Variants in OTOL1 observed in about 807,000 individuals in gnomAD.
OTOL1 encodes the protein otolin 1.
In OTOL1, 31 loss-of-function variants were observed where a neutral mutation model predicts 25.0. The observed-to-expected ratio is 1.24, with a 90% CI of 0.93 to 1.67. The LOEUF is 1.67. Among genes scored for constraint, OTOL1 ranks in the 40% most tolerant of loss-of-function variants. The pLI, the probability that OTOL1 is intolerant of heterozygous loss-of-function variation, is 0.00. For missense variants in OTOL1, 654 were observed against 587.7 expected (o/e 1.11, Z -1.17); for synonymous variants, 225 against 210.3 (o/e 1.07, Z -0.61).
At position 161,503,204 on chromosome 3, in the gene OTOL1, G is replaced by A. The variant is rs1349567490; in HGVS notation, c.696G>A (p.Met232Ile). 3 of 1,452,474 alleles carry A rather than the reference G, an allele frequency of 2.1e-6. No individual in the cohort carries two copies. The highest frequency in any genetic ancestry group is 2.7e-6 in the Non-Finnish European group (3 of 1,102,532). 90.0% of individuals were successfully genotyped at this position (1,452,474 alleles called of 1,614,324 possible). ...GPGAKGEKGE[M>I]GEKGEMGDKG... ...GCGCCAAGGGAGAGAAGGGGGAGAT[G>A]GGGGAGAAGGGGGAGATGGGGGATA... is the stretch of plus-strand genomic sequence containing the variant. Residue 232 changes from methionine to isoleucine, a missense_variant, in exon 4 of 4, where the codon ATG becomes ATA. Physicochemically the swap from Met to Ile is conservative, Grantham distance 10 (BLOSUM62 1). Transcript: ENST00000327928.
chr3:161,499,750 T>A (rs1190712448), intron 2 of OTOL1, among the ~76,000 whole-genome samples: 1 of 152,150 alleles, frequency 6.6e-6, no homozygotes. Context: ...TCAGAGGCAG[T>A]GTCAGTGGTG....
chr3:161,502,871 T>A (rs565969821), intron 3 of OTOL1, among the ~76,000 whole-genome samples, 155 bp from the exon 4 acceptor site: 1 of 152,280 alleles, frequency 6.6e-6, no homozygotes, highest in South Asian at 2.1e-4. Flanking sequence ...AAATTATTCA[T>A]TGTCAGAGCC....
At chr3:161,502,704 C>CAAA (rs1719005835) in intron 3 of OTOL1, among the ~76,000 whole-genome samples, 1 of 152,100 alleles carries the variant, frequency 6.6e-6, no homozygotes, top group Admixed American at 6.5e-5. Context: ...GGCCAAAATG[C>CAAA]AAAGGGTAAT....
Position 161,502,304 on chromosome 3 carries a change from T to C in OTOL1, c.455-3T>C. On this transcript the variant is annotated splice_region_variant and splice_polypyrimidine_tract_variant and intron_variant, in intron 2 of 3. Transcript: ENST00000327928. ...TAAAAAGTTAATCTTGGTATCATCT[T>C]AGGACTCAAAGGAGAACGTGGGGAC... The C allele has an allele frequency of 6.2e-7, 1 of 1,612,212 alleles. No homozygotes were observed.
At chr3:161,501,122 C>T (rs1718964890) in intron 2 of OTOL1, among the ~76,000 whole-genome samples, 1 of 152,132 alleles carries the variant, frequency 6.6e-6, no homozygotes. Flanking sequence ...AATATCTTCC[C>T]TACTTTTCTT....
At chr3:161,501,117 C>A (rs77382557) in intron 2 of OTOL1, among the ~76,000 whole-genome samples, 4,194 of 152,176 alleles carry the variant, frequency 0.028, 93 homozygotes, top group South Asian at 0.046. Flanking sequence ...ACAAAAATAT[C>A]TTCCCTACTT....
rs1365799744 is a variant in OTOL1, at chr3:161,501,423, C to A, written c.455-884C>A. Among the ~76,000 whole-genome samples the A allele has an allele frequency of 5.3e-5, 8 of 151,814 alleles. No individual in the cohort carries two copies. The South Asian group carries it at 1.5e-3, about 28-fold the overall frequency. ...AACTATAATAGTATGGGCTGTTAGGCCCAATATAAAAATATATTTTATGGT... is the reference window on the plus strand; with the variant it reads ...AACTATAATAGTATGGGCTGTTAGGACCAATATAAAAATATATTTTATGGT... On this transcript the variant is annotated intron_variant, in intron 2 of 3. Transcript: ENST00000327928.
chr3:161,497,064 C>T lies in OTOL1; in HGVS notation c.257C>T (p.Pro86Leu), dbSNP rs769393277. The part of the protein sequence containing the change: ...DSVFGTATLS[P>L]FENFTLDPAD... ...GTCTTTGGCACTGCCACTCTCTCTC[C>T]CTTTGAAAACTTCACTCTTGACCCA... Residue 86 changes from proline (P) to leucine (L), a missense_variant, in exon 1 of 4, where the codon CCC (proline) becomes CTC (leucine). Physicochemically the swap from Pro to Leu is moderately conservative, Grantham distance 98. Coordinates refer to ENST00000327928, the MANE Select transcript of OTOL1 (RefSeq NM_001080440.1). 3 of 1,613,736 alleles carry T rather than the reference C, an allele frequency of 1.9e-6. No homozygotes were observed. The Admixed American group carries it at 5.0e-5, about 27-fold the overall frequency.
chr3:161,499,124 T>C (rs1506484), intron 1 of OTOL1, 47 bp from the exon 2 acceptor site: 461,439 of 1,456,072 alleles, frequency 0.32, 74,659 homozygotes, highest in African/African-American at 0.34. Context: ...TAATGAACTT[T>C]AAAAGAGAAA....
chr3:161,502,900 T>A, intron 3 of OTOL1, 126 bp from the exon 4 acceptor site: 1 of 648,318 alleles, frequency 1.5e-6, no homozygotes, highest in Non-Finnish European at 2.3e-6. Context: ...GTGCACAGTT[T>A]TTACTGAGGA....
intron 2 of OTOL1, among the ~76,000 whole-genome samples, chr3:161,502,098 C>T (rs749941680): frequency 5.3e-5 from 8 of 152,198 alleles, no homozygotes; most frequent in Non-Finnish European, 8.8e-5. Context: ...GAACTCCTGA[C>T]CTCAGGTGAT....
intron 3 of OTOL1, 114 bp downstream of exon 3, chr3:161,502,483 G>A (rs1718998267): frequency 5.6e-6 from 5 of 900,784 alleles, no homozygotes; most frequent in South Asian, 1.6e-5. Flanking sequence ...ACAAATTACT[G>A]TTATTCTTCT....
chr3:161,501,847 G>T (rs1718979960), intron 2 of OTOL1, among the ~76,000 whole-genome samples: 1 of 152,084 alleles, frequency 6.6e-6, no homozygotes, highest in Non-Finnish European at 1.5e-5. Flanking sequence ...TTTACCAGTT[G>T]AAATTAATTA....
At chr3:161,502,704 C>G (rs957294009) in intron 3 of OTOL1, among the ~76,000 whole-genome samples, 1 of 152,100 alleles carries the variant, frequency 6.6e-6, no homozygotes, top group African/African-American at 2.4e-5. Context: ...GGCCAAAATG[C>G]AAAGGGTAAT....
chr3:161,503,048 T>A lies in OTOL1; in HGVS notation c.540T>A (p.Asp180Glu). 1 of 1,358,668 alleles carries A rather than the reference T, an allele frequency of 7.4e-7. No individual in the cohort carries two copies. 84.2% of individuals were successfully genotyped at this position (1,358,668 alleles called of 1,614,324 possible). The change falls in exon 4 of 4, where the codon GAT (aspartate) becomes GAA (glutamate). Residue 180 changes from aspartate (D) to glutamate (E), a missense_variant. Coordinates refer to ENST00000327928, the MANE Select transcript of OTOL1 (RefSeq NM_001080440.1). ...GAQGEPGPKG[D>E]KGNIGLGGVK... The stretch of plus-strand genomic sequence containing the variant: ...CAGGTGAACCTGGCCCTAAGGGAGA[T>A]AAAGGAAACATTGGTTTGGGAGGAG...
At chr3:161,502,805 A>G (rs1032190317) in intron 3 of OTOL1, among the ~76,000 whole-genome samples, 8 of 152,186 alleles carry the variant, frequency 5.3e-5, no homozygotes, top group Non-Finnish European at 1.0e-4. Flanking sequence ...TCTGAATATA[A>G]GCCACTGTTT....
chr3:161,499,884 C>T (rs928984268), intron 2 of OTOL1, among the ~76,000 whole-genome samples: 13 of 152,064 alleles, frequency 8.5e-5, no homozygotes, highest in South Asian at 6.2e-4. Context: ...TGTTTACTAT[C>T]GAAGAAGATT....
intron 1 of OTOL1, among the ~76,000 whole-genome samples, chr3:161,498,456 G>GA (rs1718891569): frequency 6.6e-6 from 1 of 152,108 alleles, no homozygotes; most frequent in African/African-American, 2.4e-5. Context: ...TGAGAGCTTA[G>GA]AATGCTGAGA....
rs765571244 is a variant in OTOL1 at position 161,499,238 on chromosome 3, T to G, written c.432T>G (p.Pro144=). The change falls in exon 2 of 4, where the codon CCT becomes CCG. Residue 144 remains proline (P), a synonymous_variant. Coordinates refer to ENST00000327928, the MANE Select transcript of OTOL1 (RefSeq NM_001080440.1). ...GPPGVVGPQG[P]RGYKGEKGLK... is the part of the protein sequence containing the mutation. ...CAGGAGTTGTTGGGCCCCAAGGCCC[T>G]AGAGGCTACAAAGGAGAGAAAGGTA... 1.1e-5 allele frequency: 18 copies of G among 1,608,592 alleles called. No individual in the cohort carries two copies. Among genetic ancestry groups the G allele is most frequent in the East Asian group, 6.7e-5 (3 of 44,784 alleles).
Sources: gnomAD v4.1 joint callset for allele counts (sites outside exome capture counted in the v4.1 genomes callset) on GRCh38, gnomAD v4.1.1 for gene constraint, MANE v1.5 for transcripts, NCBI Gene and HGNC (gene_info 2026-07-23, HGNC 2026-07-21) for gene names.